DEPDC5: variants seen among roughly 807,000 people sequenced by gnomAD.
DEPDC5 encodes GATOR1 complex protein DEPDC5.
Under a neutral mutation model 217.3 loss-of-function variants are expected in DEPDC5, and 73 were observed. That is an observed-to-expected ratio of 0.34 (90% CI 0.28 to 0.41). The LOEUF is 0.41. Among genes scored for constraint, DEPDC5 ranks in the 10% least tolerant of loss-of-function variants. The pLI, the probability that DEPDC5 is intolerant of heterozygous loss-of-function variation, is 1.00. For missense variants in DEPDC5, 1,675 were observed against 2,070.1 expected, an observed-to-expected ratio of 0.81 and a Z score of 3.70; for synonymous variants, 733 against 756.7, an observed-to-expected ratio of 0.97 and a Z score of 0.51.
intron 40 of DEPDC5, among the ~76,000 whole-genome samples, chr22:31,900,621 C>A (rs1419546185): frequency 1.3e-5 from 2 of 152,080 alleles, no homozygotes; most frequent in Non-Finnish European, 2.9e-5. Context: ...TGCCTGTAAC[C>A]CCAGCTACTC....
At chr22:31,791,954 A>AT in intron 10 of DEPDC5, 79 bp from the exon 11 acceptor site, 1 of 600,106 alleles carries the variant, frequency 1.7e-6, no homozygotes, top group Non-Finnish European at 2.7e-6. Context: ...AAAAAAAAGA[A>AT]TATTATATGC....
chr22:31,823,532 C>CAAA (rs375009177), intron 24 of DEPDC5, among the ~76,000 whole-genome samples: 13 of 52,162 alleles, frequency 2.5e-4, no homozygotes, highest in Admixed American at 4.3e-4. Flanking sequence ...GACTCCATCT[C>CAAA]AAAAAAAAAA....
chr22:31,824,215 A>G (rs2089957329), intron 24 of DEPDC5, among the ~76,000 whole-genome samples: 1 of 152,154 alleles, frequency 6.6e-6, no homozygotes, highest in East Asian at 1.9e-4. Context: ...GTGTGGTGGC[A>G]TATGCCTGTA....
In DEPDC5 at chr22:31,876,038, G is replaced by T. The variant is rs2092983012; in HGVS notation, c.3697-119G>T. The T allele has an allele frequency of 4.3e-6, 3 of 704,350 alleles. No individual in the cohort carries two copies. In the South Asian group the frequency reaches 5.6e-5, roughly 13 times the overall value. The allele number at this position is 704,350 out of a possible 1,614,324, so 43.6% of individuals were successfully genotyped here. ...TCAAGTACAACATGTCTAATCTGGG[G>T]GTGGAGGGTAGGGTCTCCTCAGTGC... On this transcript the variant is annotated intron_variant, in intron 36 of 42. Transcript: ENST00000651528.
In DEPDC5 at chr22:31,802,704, T is replaced by C. The variant is rs556134773; in HGVS notation, c.947T>C (p.Val316Ala). The C allele has an allele frequency of 3.9e-6, 6 of 1,547,546 alleles. No individual in the cohort carries two copies. In the East Asian group the frequency reaches 9.6e-5, roughly 25 times the overall value. The change falls in exon 15 of 43, where the codon GTG becomes GCG. Residue 316 changes from valine to alanine, a missense_variant and splice_region_variant. Coordinates refer to ENST00000651528, the MANE Select transcript of DEPDC5 (RefSeq NM_001242896.3). Reference protein sequence around the residue: ...YLEAINLSFNVFDKHYINRNF... With the variant: ...YLEAINLSFNAFDKHYINRNF... Reference sequence around the variant, plus strand: ...TGTGGAATTTTTGTTTTATTTCTAGTGTTTGATAAGCACTACATCAACCGC... The same window carrying C: ...TGTGGAATTTTTGTTTTATTTCTAGCGTTTGATAAGCACTACATCAACCGC...
chr22:31,905,894 G>C, intron 41 of DEPDC5, 90 bp from the exon 42 acceptor site: 2 of 1,145,614 alleles, frequency 1.7e-6, no homozygotes, highest in South Asian at 2.8e-5. Flanking sequence ...TGTGTCTCAG[G>C]CTGTCCGAGA....
rs758889402 is a variant in DEPDC5, at chr22:31,857,404, G to C, written c.3156-41G>C. ...GCCGACATGGATCCTTCACCAGGGA[G>C]CTCTGAGCAAGCTGCTGTCATGTGC... On this transcript the variant is annotated intron_variant, in intron 31 of 42. Transcript: ENST00000651528. 6 of 1,530,838 alleles carry C rather than the reference G, an allele frequency of 3.9e-6. No individual in the cohort carries two copies. In the South Asian group the frequency reaches 6.0e-5, roughly 15 times the overall value. The allele number at this position is 1,530,838 out of a possible 1,614,324, so 94.8% of individuals were successfully genotyped here.
intron 24 of DEPDC5, 142 bp from the exon 25 acceptor site, chr22:31,833,773 C>T: frequency 1.6e-6 from 1 of 608,900 alleles, no homozygotes; most frequent in Non-Finnish European, 2.8e-6. Flanking sequence ...TTCTTTTGTA[C>T]TGTTTGAAAT....
In DEPDC5 at chr22:31,777,978, C is replaced by T. The variant is rs926368707; in HGVS notation, c.414-121C>T. On this transcript the variant is annotated intron_variant, in intron 7 of 42. Coordinates refer to ENST00000651528, the MANE Select transcript of DEPDC5 (RefSeq NM_001242896.3). ...GTCCAGGCTGGTCTCGAAGTCCTGA[C>T]CTCAGGTAATTCGCCCGCCTTGGCT... The T allele has an allele frequency of 4.8e-5, 50 of 1,050,938 alleles. No homozygotes were observed. In the African/African-American group the frequency reaches 5.5e-4, roughly 12 times the overall value. 65.1% of individuals were successfully genotyped at this position (1,050,938 alleles called of 1,614,324 possible).
intron 33 of DEPDC5, among the ~76,000 whole-genome samples, chr22:31,863,646 A>AT (rs1172879811): frequency 6.6e-6 from 1 of 152,162 alleles, no homozygotes; most frequent in East Asian, 1.9e-4. Context: ...CCTGTCTGTA[A>AT]TTTTTTAAAA....
chr22:31,754,417 T>G (rs2075142427), intron 1 of DEPDC5, among the ~76,000 whole-genome samples: 1 of 152,236 alleles, frequency 6.6e-6, no homozygotes, highest in African/African-American at 2.4e-5. Context: ...CTCAGGACAT[T>G]GGCAGCAAAA....
chr22:31,885,551 C>T (rs919815714), intron 38 of DEPDC5, among the ~76,000 whole-genome samples: 13 of 151,112 alleles, frequency 8.6e-5, no homozygotes, highest in Admixed American at 7.3e-4. Context: ...CAGTGAAACC[C>T]CATCTCTACT....
intron 7 of DEPDC5, among the ~76,000 whole-genome samples, chr22:31,772,756 C>G (rs1042444419): frequency 6.6e-6 from 1 of 150,740 alleles, no homozygotes; most frequent in Admixed American, 6.6e-5. Flanking sequence ...CTATTGCTTC[C>G]TCTTTTATTT....
At chr22:31,819,901 G>GT (rs2089517339) in intron 22 of DEPDC5, among the ~76,000 whole-genome samples, 1 of 152,068 alleles carries the variant, frequency 6.6e-6, no homozygotes, top group African/African-American at 2.4e-5. Flanking sequence ...GTTACAAGGA[G>GT]TTATGTTGTT....
chr22:31,859,460 A>G (rs1449267720), intron 32 of DEPDC5, among the ~76,000 whole-genome samples: 5 of 139,324 alleles, frequency 3.6e-5, no homozygotes, highest in Non-Finnish European at 7.6e-5. Flanking sequence ...GTCTTGGCTC[A>G]CTGCAACTGC....
At chr22:31,894,046 C>T (rs1318605480) in intron 39 of DEPDC5, 1 of 209,560 alleles carries the variant, frequency 4.8e-6, no homozygotes, top group African/African-American at 2.3e-5. Context: ...AGCCTCTACC[C>T]ACTAAATGCT....
chr22:31,756,102 C>CG (rs2081917088), intron 2 of DEPDC5, among the ~76,000 whole-genome samples: 1 of 147,714 alleles, frequency 6.8e-6, no homozygotes, highest in African/African-American at 2.5e-5. Flanking sequence ...AGGCTGGTCT[C>CG]GAACTCCTGA....
intron 32 of DEPDC5, among the ~76,000 whole-genome samples, chr22:31,860,566 T>G (rs1345612200): frequency 6.6e-6 from 1 of 152,144 alleles, no homozygotes; most frequent in Non-Finnish European, 1.5e-5. Flanking sequence ...CTCCGTGTCA[T>G]TTTTGTTTCA....
chr22:31,803,847 G>A (rs78198700), intron 15 of DEPDC5, among the ~76,000 whole-genome samples: 1,866 of 152,202 alleles, frequency 0.012, 97 homozygotes, highest in Admixed American at 0.077. Context: ...CAAAGTTACT[G>A]TTCCTTTCTG....
Sources: allele counts gnomAD v4.1 joint callset (sites outside exome capture counted in the v4.1 genomes callset), GRCh38; gene constraint gnomAD v4.1.1; transcripts MANE v1.5; gene names NCBI Gene and HGNC (gene_info 2026-07-23, HGNC 2026-07-21).